Variants in CDH2 observed in about 807,000 individuals in gnomAD.
The protein encoded by CDH2 is cadherin 2, also known as cadherin-2.
Under a neutral mutation model 92.0 loss-of-function variants are expected in CDH2, and 17 were observed. That is an observed-to-expected ratio of 0.18 (90% CI 0.13 to 0.28). The LOEUF (loss-of-function observed/expected upper bound fraction) is 0.28, where lower values mean the gene tolerates loss of function less well. Ranked by LOEUF, CDH2 falls within the 10% of genes least tolerant of loss-of-function variation. The probability of loss-of-function intolerance (pLI) is 1.00; values close to 1 mark genes in which losing one functional copy is unlikely to be tolerated. For missense variants in CDH2, 862 were observed against 1,133.1 expected (o/e 0.76, Z 3.44); for synonymous variants, 419 against 415.9 (o/e 1.01, Z -0.09).
chr18:28,055,170 T>C (rs1427566100), intron 2 of CDH2, among the ~76,000 whole-genome samples: 1 of 152,114 alleles, frequency 6.6e-6, no homozygotes, highest in Non-Finnish European at 1.5e-5. Flanking sequence ...CAGACAAGAA[T>C]GAGAGCCAAG....
intron 14 of CDH2, among the ~76,000 whole-genome samples, chr18:27,971,102 G>T (rs1025114971): frequency 6.6e-6 from 1 of 152,216 alleles, no homozygotes; most frequent in African/African-American, 2.4e-5. Flanking sequence ...TGGGCGTCGT[G>T]GCACACGCCT....
In CDH2 at chr18:28,177,057, A is replaced by AGGAGGCGGCGGCGGCGGCGGC; in HGVS notation, c.-36_-35insGCCGCCGCCGCCGCCGCCTCC. On this transcript the variant is annotated 5_prime_UTR_variant, in exon 1 of 16. Coordinates refer to ENST00000269141, the MANE Select transcript of CDH2 (RefSeq NM_001792.5). ...GAGGGGCCGAGCGAAGAGCCGGAGG[A>AGGAGGCGGCGGCGGCGGCGGC]GGCGGCGGCGGCGGCGGCGGCGGCG... 3 of 1,302,322 alleles carry AGGAGGCGGCGGCGGCGGCGGC rather than the reference A, an allele frequency of 2.3e-6. No homozygotes were observed. Among genetic ancestry groups the AGGAGGCGGCGGCGGCGGCGGC allele is most frequent in the Non-Finnish European group, 3.1e-6 (3 of 962,322 alleles). The allele number at this position is 1,302,322 out of a possible 1,614,324, so 80.7% of individuals were successfully genotyped here. A position where few individuals can be genotyped will look rare whatever the true frequency, so the allele number is the denominator to read the frequency against.
At chr18:27,972,878 G>C (rs536826805) in intron 14 of CDH2, among the ~76,000 whole-genome samples, 1 of 152,320 alleles carries the variant, frequency 6.6e-6, no homozygotes, top group African/African-American at 2.4e-5. Flanking sequence ...GCACAGAGCA[G>C]AGAAACTTGA....
intron 2 of CDH2, among the ~76,000 whole-genome samples, chr18:28,114,772 C>G (rs1464464539): frequency 1.3e-5 from 2 of 151,948 alleles, no homozygotes; most frequent in African/African-American, 4.8e-5. Flanking sequence ...CATCCAGAAT[C>G]TGTTATTAAT....
At chr18:28,040,187 C>T (rs531652460) in intron 2 of CDH2, among the ~76,000 whole-genome samples, 1 of 152,220 alleles carries the variant, frequency 6.6e-6, no homozygotes, top group South Asian at 2.1e-4. Context: ...ATGCTGGGGT[C>T]CTAACCACTC....
intron 1 of CDH2, among the ~76,000 whole-genome samples, chr18:28,172,956 A>T (rs1472288732): frequency 6.6e-6 from 1 of 152,150 alleles, no homozygotes; most frequent in East Asian, 1.9e-4. Flanking sequence ...AAGTCTTGAC[A>T]TTTCCCTATT....
chr18:27,988,592 A>G lies in CDH2; in HGVS notation c.1673T>C (p.Val558Ala). 1 of 1,611,124 alleles carries G rather than the reference A, an allele frequency of 6.2e-7. No homozygotes were observed. The stretch of plus-strand genomic sequence containing the variant: ...CACATTTGGTGATTCTCGGTCCAAA[A>G]CAGCAATTGTAGTTATTTGTCCATT... ...PVNGQITTIA[V>A]LDRESPNVKN... is the part of the protein sequence containing the mutation. Residue 558 changes from valine (V) to alanine (A), a missense_variant, in exon 11 of 16, where the codon GTT becomes GCT. By Grantham distance (64) the Val-to-Ala change is moderately conservative. Around this residue, in one of 5 missense-constraint regions of CDH2, gnomAD observed 564 missense variants for 722.2 expected, o/e 0.78. Coordinates refer to ENST00000269141, the MANE Select transcript of CDH2 (RefSeq NM_001792.5).
At chr18:28,005,524 C>T (rs2144016754) in intron 6 of CDH2, among the ~76,000 whole-genome samples, 1 of 152,288 alleles carries the variant, frequency 6.6e-6, no homozygotes, top group East Asian at 1.9e-4. Context: ...TCTTCTGGGG[C>T]TCACTTTCAA....
chr18:28,000,556 G>T (rs910380767), intron 7 of CDH2, among the ~76,000 whole-genome samples: 1 of 152,070 alleles, frequency 6.6e-6, no homozygotes, highest in Non-Finnish European at 1.5e-5. Flanking sequence ...GTTCAAACCT[G>T]GGGGGAGCAG....
At chr18:28,174,167 A>G (rs979495341) in intron 1 of CDH2, among the ~76,000 whole-genome samples, 3 of 152,184 alleles carry the variant, frequency 2.0e-5, no homozygotes, top group Non-Finnish European at 2.9e-5. Context: ...CTTGTAAAAA[A>G]ACAAGGGTGC....
rs374077840 is a variant in CDH2, at chr18:27,945,506, C to G, written c.1152-12382G>C. On this transcript the variant is annotated intron_variant, in intron 6 of 6. Transcript: ENST00000675173. ...CCAGTTTTCCTTATGAGTTAGTCTT[C>G]CAACTTTTCCTTTGAATATGAAAAA... 6.6e-5 allele frequency among the ~76,000 whole-genome samples: 10 copies of G among 151,896 alleles called. No homozygotes were observed. In the East Asian group the frequency reaches 1.9e-3, roughly 29 times the overall value.
chr18:28,033,167 T>C, intron 2 of CDH2, among the ~76,000 whole-genome samples: 1 of 151,998 alleles, frequency 6.6e-6, no homozygotes, highest in Non-Finnish European at 1.5e-5. Context: ...CAGGCAGTGA[T>C]GGTACATTCA....
At chr18:27,941,225 C>T (rs1225893022) in intron 6 of CDH2, among the ~76,000 whole-genome samples, 2 of 151,788 alleles carry the variant, frequency 1.3e-5, no homozygotes, top group South Asian at 2.1e-4. Context: ...TTAGTAGAGA[C>T]GGGGTTTCAC....
chr18:27,948,919 A>G (rs989523175), downstream of CDH2, among the ~76,000 whole-genome samples: 2 of 151,950 alleles, frequency 1.3e-5, no homozygotes, highest in African/African-American at 4.8e-5. Context: ...ACCATTTCAA[A>G]GGGGTACTAA....
At chr18:27,963,927 T>A in intron 14 of CDH2, among the ~76,000 whole-genome samples, 1 of 151,494 alleles carries the variant, frequency 6.6e-6, no homozygotes, top group East Asian at 1.9e-4. Flanking sequence ...AGGCATTAGT[T>A]CATGAAGGTT....
chr18:27,961,740 G>GTAAGGCAGGCAGTA (rs2011410503), intron 15 of CDH2, among the ~76,000 whole-genome samples: 1 of 152,082 alleles, frequency 6.6e-6, no homozygotes, highest in African/African-American at 2.4e-5. Context: ...GGTACTTCAG[G>GTAAGGCAGGCAGTA]GACAGGCAGA....
intron 14 of CDH2, among the ~76,000 whole-genome samples, chr18:27,978,382 A>G (rs1259756991): frequency 6.6e-6 from 1 of 152,182 alleles, no homozygotes; most frequent in East Asian, 1.9e-4. Context: ...ATAGAACAGC[A>G]GGAAGCTAAC....
intron 2 of CDH2, chr18:28,036,716 A>T: frequency 1.6e-6 from 1 of 606,908 alleles, no homozygotes; most frequent in Non-Finnish European, 2.9e-6. Flanking sequence ...TGGGTGGCTC[A>T]AACAGAGCCC....
At chr18:27,970,069 G>A (rs918741275) in intron 14 of CDH2, among the ~76,000 whole-genome samples, 5 of 152,068 alleles carry the variant, frequency 3.3e-5, no homozygotes, top group Admixed American at 2.0e-4. Context: ...AATACGGAAA[G>A]TGAAGATGTC....
Sources: gnomAD v4.1 joint callset for allele counts (sites outside exome capture counted in the v4.1 genomes callset) on GRCh38, gnomAD v4.1.1 for gene constraint, gnomAD v4.1.1 regional missense constraint, MANE v1.5 for transcripts, NCBI Gene and HGNC (gene_info 2026-07-23, HGNC 2026-07-21) for gene names.